Variants in ADHFE1 observed in about 807,000 individuals in gnomAD.
ADHFE1 encodes the protein alcohol dehydrogenase iron containing 1, also known as hydroxyacid-oxoacid transhydrogenase, mitochondrial.
A neutral mutation model predicts 54.8 loss-of-function variants in ADHFE1; 37 were observed. That is an observed-to-expected ratio of 0.68 (90% CI 0.52 to 0.89). The LOEUF is 0.89. ADHFE1 is among the 40% of genes least tolerant of loss of function. ADHFE1 has a pLI of 0.00. For synonymous variants in ADHFE1, 203 were observed against 229.3 expected, an observed-to-expected ratio of 0.89 and a Z score of 1.04; for missense variants, 601 against 591.2, an observed-to-expected ratio of 1.02 and a Z score of -0.17.
chr8:66,451,916 C>T (rs201204514), intron 8 of ADHFE1, 37 bp from the exon 9 acceptor site: 110 of 1,603,390 alleles, frequency 6.9e-5, no homozygotes, highest in Middle Eastern at 3.3e-4. Flanking sequence ...AGGAAGATGA[C>T]GCTTTCCATC....
At chr8:66,455,982 C>T (rs777645314) in intron 10 of ADHFE1, among the ~76,000 whole-genome samples, 36 of 151,982 alleles carry the variant, frequency 2.4e-4, no homozygotes, top group Non-Finnish European at 4.9e-4. Context: ...ATAATATTTT[C>T]CTATTTGTTC....
intron 3 of ADHFE1, 135 bp downstream of exon 3, chr8:66,442,979 C>T: frequency 1.3e-6 from 1 of 789,042 alleles, no homozygotes; most frequent in Non-Finnish European, 1.9e-6. Flanking sequence ...TTGATCAGAC[C>T]ATATTTAGCA....
chr8:66,436,951 G>C (rs1392236962), intron 1 of ADHFE1, among the ~76,000 whole-genome samples: 1 of 152,168 alleles, frequency 6.6e-6, no homozygotes, highest in Non-Finnish European at 1.5e-5. Flanking sequence ...TGACACATCG[G>C]GTACCGTGAA....
chr8:66,447,339 T>C lies in ADHFE1; in HGVS notation c.626T>C (p.Ile209Thr), dbSNP rs142885020. Residue 209 changes from isoleucine (I) to threonine (T), a missense_variant and splice_region_variant, in exon 7 of 14, where the codon ATT becomes ACT. Coordinates refer to ENST00000396623, the MANE Select transcript of ADHFE1 (RefSeq NM_144650.3). Reference sequence around the variant, plus strand: ...GACTATGAACACTTGAAAGTAAAAATTGGTAAGAACCATACTTTTGAATTA... The same window carrying C: ...GACTATGAACACTTGAAAGTAAAAACTGGTAAGAACCATACTTTTGAATTA... ...IFDYEHLKVKIGITSRAIKPT... is the reference protein window; with the variant it reads ...IFDYEHLKVKTGITSRAIKPT... The C allele has an allele frequency of 4.3e-6, 7 of 1,611,046 alleles. No individual in the cohort carries two copies. Among genetic ancestry groups the C allele is most frequent in the Non-Finnish European group, 5.1e-6 (6 of 1,177,540 alleles).
intron 2 of ADHFE1, among the ~76,000 whole-genome samples, chr8:66,440,717 C>A (rs1805703943): frequency 6.6e-6 from 1 of 152,150 alleles, no homozygotes; most frequent in Non-Finnish European, 1.5e-5. Flanking sequence ...TTAGTCATTA[C>A]CAAACACCAA....
chr8:66,434,845 G>C (rs1287279244), intron 1 of ADHFE1, among the ~76,000 whole-genome samples: 2 of 152,224 alleles, frequency 1.3e-5, no homozygotes, highest in South Asian at 2.1e-4. Context: ...TGCACAGGGT[G>C]GTGGGTGCCC....
rs1400485470 is a variant in ADHFE1 at position 66,454,091 on chromosome 8, G to T, written c.920G>T (p.Arg307Met). Residue 307 changes from arginine (R) to methionine (M), a missense_variant, in exon 10 of 14, where the codon AGG becomes ATG. Transcript: ENST00000396623. ...AVRNPDDLEA[R>M]SHMHLASAFA... ...AGAAATCCCGATGATCTTGAAGCAAGGTCTCATATGCACTTGGCAAGTGCT... is the reference window on the plus strand; with the variant it reads ...AGAAATCCCGATGATCTTGAAGCAATGTCTCATATGCACTTGGCAAGTGCT... The T allele has an allele frequency of 1.2e-6, 2 of 1,614,016 alleles. No individual in the cohort carries two copies. Among genetic ancestry groups the T allele is most frequent in the African/African-American group, 2.7e-5 (2 of 74,926 alleles).
intron 8 of ADHFE1, among the ~76,000 whole-genome samples, chr8:66,450,414 A>G (rs967994889): frequency 6.6e-6 from 1 of 152,156 alleles, no homozygotes; most frequent in African/African-American, 2.4e-5. Context: ...GGGAAAGAAC[A>G]CCTGGCCTGA....
intron 12 of ADHFE1, among the ~76,000 whole-genome samples, chr8:66,458,877 C>G (rs1586481601): frequency 6.6e-6 from 1 of 152,206 alleles, no homozygotes; most frequent in East Asian, 1.9e-4. Flanking sequence ...GGCAGTATTC[C>G]CAGGAACATT....
At chr8:66,446,875 C>T (rs1806063701) in intron 6 of ADHFE1, among the ~76,000 whole-genome samples, 1 of 152,180 alleles carries the variant, frequency 6.6e-6, no homozygotes, top group Non-Finnish European at 1.5e-5. Context: ...CATAAACATT[C>T]ATCCAGCAGT....
intron 13 of ADHFE1, among the ~76,000 whole-genome samples, chr8:66,465,507 A>G (rs1009796049): frequency 3.9e-5 from 6 of 152,024 alleles, no homozygotes; most frequent in East Asian, 1.9e-4. Flanking sequence ...TTGGCTATGT[A>G]TATATATATA....
At chr8:66,436,084 T>A (rs1481020597) in intron 1 of ADHFE1, among the ~76,000 whole-genome samples, 1 of 151,650 alleles carries the variant, frequency 6.6e-6, no homozygotes, top group African/African-American at 2.4e-5. Flanking sequence ...CCTGGCTAAT[T>A]TTTGTATTTT....
chr8:66,464,030 T>C (rs1807040637), intron 13 of ADHFE1, among the ~76,000 whole-genome samples: 1 of 152,202 alleles, frequency 6.6e-6, no homozygotes, highest in African/African-American at 2.4e-5. Context: ...AAACATTTCA[T>C]TACTGAGGAG....
intron 12 of ADHFE1, among the ~76,000 whole-genome samples, chr8:66,457,652 C>T (rs1806660220): frequency 6.6e-6 from 1 of 152,070 alleles, no homozygotes; most frequent in African/African-American, 2.4e-5. Context: ...TAGTGAGATC[C>T]TGTTTCTTTA....
rs1393235718 is a variant in ADHFE1, at chr8:66,445,434, T to C, written c.550+20T>C. On this transcript the variant is annotated intron_variant, in intron 6 of 13. Coordinates refer to ENST00000396623, the MANE Select transcript of ADHFE1 (RefSeq NM_144650.3). ...TTGCAGGTAAAGACTGTTTATTTCTTTGTTTGTTTTATTTTGCAATGAGCA... is the reference window on the plus strand; with the variant it reads ...TTGCAGGTAAAGACTGTTTATTTCTCTGTTTGTTTTATTTTGCAATGAGCA... 3.8e-6 allele frequency: 6 copies of C among 1,582,226 alleles called. No individual in the cohort carries two copies. In the African/African-American group the frequency reaches 6.8e-5, roughly 18 times the overall value.
chr8:66,451,116 G>A (rs1415874610), intron 8 of ADHFE1, among the ~76,000 whole-genome samples: 1 of 152,220 alleles, frequency 6.6e-6, no homozygotes, highest in Non-Finnish European at 1.5e-5. Context: ...TGTGTTTCCA[G>A]TGCATCACTG....
chr8:66,455,126 TC>T lies in ADHFE1; in HGVS notation c.986+971del, dbSNP rs1806509611. ...TTTTCTTCTCTATGGACATAGGTTT[TC>T]CTTTCTCTTGTTATATAGGTAGGAG... On this transcript the variant is annotated intron_variant, in intron 10 of 13. Coordinates refer to ENST00000396623, the MANE Select transcript of ADHFE1 (RefSeq NM_144650.3). Among the ~76,000 whole-genome samples the T allele has an allele frequency of 2.0e-5, 3 of 152,362 alleles. No individual in the cohort carries two copies. The South Asian group carries it at 6.2e-4, about 32-fold the overall frequency.
In ADHFE1 at chr8:66,445,106, A is replaced by C. The variant is rs571309215; in HGVS notation, c.354-112A>C. On this transcript the variant is annotated intron_variant, in intron 5 of 13. Transcript: ENST00000396623. ...ACAGAATGAGACTCCGTCTCAAAAA[A>C]AAAACAAAAACAAAAAAAACCCCAC... The C allele has an allele frequency of 3.6e-6, 4 of 1,116,398 alleles. No individual in the cohort carries two copies. In the Admixed American group the frequency reaches 1.2e-4, roughly 33 times the overall value. The allele number at this position is 1,116,398 out of a possible 1,614,324, so 69.2% of individuals were successfully genotyped here. A position where few individuals can be genotyped will look rare whatever the true frequency, so the allele number is the denominator to read the frequency against.
At chr8:66,454,385 T>C (rs1806463383) in intron 10 of ADHFE1, among the ~76,000 whole-genome samples, 1 of 152,226 alleles carries the variant, frequency 6.6e-6, no homozygotes, top group Non-Finnish European at 1.5e-5. Context: ...AAATGTATTC[T>C]TTTGTGTTCC....
Sources: allele counts gnomAD v4.1 joint callset (sites outside exome capture counted in the v4.1 genomes callset), GRCh38; gene constraint gnomAD v4.1.1; transcripts MANE v1.5; gene names NCBI Gene and HGNC (gene_info 2026-07-23, HGNC 2026-07-21).